The following RPS6KC1 variants were observed in gnomAD, a reference collection of about 807,000 sequenced individuals.
RPS6KC1 encodes inactive ribosomal protein S6 kinase delta-1.
A neutral mutation model predicts 103.8 loss-of-function variants in RPS6KC1; 54 were observed. The observed-to-expected ratio is 0.52, with a 90% CI of 0.42 to 0.65. The LOEUF (loss-of-function observed/expected upper bound fraction) is 0.65, where lower values mean the gene tolerates loss of function less well. RPS6KC1 is among the 30% of genes least tolerant of loss of function. RPS6KC1 has a pLI of 0.00. For synonymous variants in RPS6KC1, 439 were observed against 438.7 expected (o/e 1.00, Z -0.01); for missense variants, 1,151 against 1,253.8 (o/e 0.92, Z 1.24).
chr1:213,204,808 T>G (rs2093288100), intron 8 of RPS6KC1, among the ~76,000 whole-genome samples: 1 of 151,984 alleles, frequency 6.6e-6, no homozygotes, highest in South Asian at 2.1e-4. Flanking sequence ...ATTTTATTTT[T>G]TGTAGAGATG....
intron 2 of RPS6KC1, among the ~76,000 whole-genome samples, chr1:213,073,147 T>C (rs1332564104): frequency 6.6e-6 from 1 of 152,182 alleles, no homozygotes; most frequent in Non-Finnish European, 1.5e-5. Flanking sequence ...ACATTAGAAT[T>C]CTCATTTGGG....
chr1:213,745,882 G>A, the RPS6KC1 span, among the ~76,000 whole-genome samples: 1 of 152,140 alleles, frequency 6.6e-6, no homozygotes, highest in African/African-American at 2.4e-5. Flanking sequence ...GCGGATAAAT[G>A]ATTAATCCTC....
the RPS6KC1 span, among the ~76,000 whole-genome samples, chr1:213,415,163 AC>A: frequency 6.6e-6 from 1 of 151,972 alleles, no homozygotes; most frequent in African/African-American, 2.4e-5. Flanking sequence ...TACTGTGTCT[AC>A]TCCTATGTTT....
chr1:213,389,656 T>C, the RPS6KC1 span, among the ~76,000 whole-genome samples: 1,768 of 152,294 alleles, frequency 0.012, 28 homozygotes, highest in African/African-American at 0.04. Flanking sequence ...TGCTCTCTCC[T>C]GAACATCCGT....
the RPS6KC1 span, among the ~76,000 whole-genome samples, chr1:213,563,952 C>T: frequency 6.8e-6 from 1 of 147,336 alleles, no homozygotes; most frequent in South Asian, 2.2e-4. Flanking sequence ...CAAATGTTTA[C>T]CAAGTTTTTT....
intron 8 of RPS6KC1, among the ~76,000 whole-genome samples, chr1:213,179,438 A>G (rs1446685020): frequency 6.6e-6 from 1 of 152,132 alleles, no homozygotes; most frequent in Non-Finnish European, 1.5e-5. Context: ...AAAAAAAAAA[A>G]AGCAGGTACA....
the RPS6KC1 span, among the ~76,000 whole-genome samples, chr1:213,524,060 G>A: frequency 4.6e-5 from 7 of 152,104 alleles, no homozygotes; most frequent in African/African-American, 1.7e-4. Context: ...GCCCCGGGAG[G>A]CAGGAAAAAG....
At chr1:213,610,581 C>T in the RPS6KC1 span, among the ~76,000 whole-genome samples, 1 of 152,178 alleles carries the variant, frequency 6.6e-6, no homozygotes, top group African/African-American at 2.4e-5. Context: ...TATAATGATT[C>T]AGCCTTTCTC....
chr1:213,120,529 G>A (rs773155204), intron 5 of RPS6KC1, among the ~76,000 whole-genome samples: 13 of 152,098 alleles, frequency 8.5e-5, no homozygotes, highest in Non-Finnish European at 1.6e-4. Flanking sequence ...TAGCAAAAGA[G>A]CAGGAAAGCC....
At chr1:213,611,560 G>A in the RPS6KC1 span, among the ~76,000 whole-genome samples, 10 of 152,156 alleles carry the variant, frequency 6.6e-5, no homozygotes, top group African/African-American at 2.2e-4. Flanking sequence ...GAAAGAGGAG[G>A]GATCTTACGT....
intron 4 of RPS6KC1, among the ~76,000 whole-genome samples, chr1:213,105,091 T>G (rs979024060): frequency 6.6e-6 from 1 of 152,158 alleles, no homozygotes; most frequent in Non-Finnish European, 1.5e-5. Context: ...TGTTGACTTG[T>G]ATAAAGATAC....
At chr1:213,701,170 G>T in the RPS6KC1 span, among the ~76,000 whole-genome samples, 1 of 151,874 alleles carries the variant, frequency 6.6e-6, no homozygotes, top group African/African-American at 2.4e-5. Context: ...TTCCTTATTT[G>T]GTGTGATACT....
the RPS6KC1 span, among the ~76,000 whole-genome samples, chr1:213,611,208 T>TG: frequency 6.6e-6 from 1 of 152,216 alleles, no homozygotes; most frequent in Admixed American, 6.5e-5. Context: ...TGTAATGTTC[T>TG]GGCCTCTCTG....
the RPS6KC1 span, among the ~76,000 whole-genome samples, chr1:213,636,547 G>T: frequency 1.3e-5 from 2 of 151,864 alleles, no homozygotes; most frequent in African/African-American, 4.8e-5. Context: ...GGTGCTGGGA[G>T]AACTGGCTAG....
the RPS6KC1 span, chr1:213,820,252 A>G: frequency 5.9e-5 from 9 of 152,182 alleles, no homozygotes; most frequent in African/African-American, 2.2e-4. Context: ...TATAGGTCTG[A>G]AGTCTGGGTG....
the RPS6KC1 span, among the ~76,000 whole-genome samples, chr1:213,749,039 A>T: frequency 6.6e-6 from 1 of 152,224 alleles, no homozygotes; most frequent in African/African-American, 2.4e-5. Flanking sequence ...GAAAAATAAA[A>T]ATGTTACAGT....
At chr1:213,534,989 G>A in the RPS6KC1 span, among the ~76,000 whole-genome samples, 233 of 152,252 alleles carry the variant, frequency 1.5e-3, no homozygotes, top group Non-Finnish European at 2.8e-3. Flanking sequence ...TATCAACACT[G>A]AGAAGAGTTC....
the RPS6KC1 span, among the ~76,000 whole-genome samples, chr1:213,526,881 A>G: frequency 6.6e-6 from 1 of 152,208 alleles, no homozygotes; most frequent in African/African-American, 2.4e-5. Flanking sequence ...ATTTAAAACA[A>G]TACTCCAGAT....
the RPS6KC1 span, among the ~76,000 whole-genome samples, chr1:213,611,776 G>A: frequency 6.6e-6 from 1 of 152,276 alleles, no homozygotes; most frequent in Middle Eastern, 3.4e-3. Context: ...AATACACTGC[G>A]AAAGCCAAGA....
Sources: gnomAD v4.1 joint callset for allele counts (sites outside exome capture counted in the v4.1 genomes callset) on GRCh38, gnomAD v4.1.1 for gene constraint, MANE v1.5 for transcripts, NCBI Gene and HGNC (gene_info 2026-07-23, HGNC 2026-07-21) for gene names.